The following XRCC2 variants were observed in gnomAD, a reference collection of about 807,000 sequenced individuals.
XRCC2 encodes X-ray repair cross complementing 2, also known as DNA repair protein XRCC2.
Under a neutral mutation model 27.3 loss-of-function variants are expected in XRCC2, and 24 were observed. That is an observed-to-expected ratio of 0.88 (90% CI 0.64 to 1.24). The LOEUF (loss-of-function observed/expected upper bound fraction) is 1.24. Ranked by LOEUF, XRCC2 falls within the 50% of genes most tolerant of loss-of-function variation. XRCC2 has a pLI of 0.00. For missense variants in XRCC2, 321 were observed against 325.8 expected (o/e 0.99, Z 0.11); for synonymous variants, 106 against 115.4 (o/e 0.92, Z 0.52).
At chr7:152,663,015 G>C (rs2098033981) in intron 1 of XRCC2, among the ~76,000 whole-genome samples, 1 of 152,124 alleles carries the variant, frequency 6.6e-6, no homozygotes, top group South Asian at 2.1e-4. Flanking sequence ...TGACTACAAA[G>C]ATGAAGATGA....
At chr7:152,663,842 GCC>G (rs34500760) in intron 1 of XRCC2, 2,162 of 146,040 alleles carry the variant, frequency 0.015, 47 homozygotes, top group African/African-American at 0.051. Context: ...CTGTCCCCCT[GCC>G]CCCCCCCCCC....
At chr7:152,664,860 G>T (rs139487499) in intron 1 of XRCC2, among the ~76,000 whole-genome samples, 84 of 152,156 alleles carry the variant, frequency 5.5e-4, no homozygotes, top group African/African-American at 2.0e-3. Context: ...TTGGGCTTAC[G>T]GGCAACAACT....
chr7:152,674,458 A>G (rs1383295485), intron 1 of XRCC2, among the ~76,000 whole-genome samples: 1 of 151,742 alleles, frequency 6.6e-6, no homozygotes, highest in Non-Finnish European at 1.5e-5. Flanking sequence ...CTAAAAATAC[A>G]AAAGTTAGCT....
chr7:152,663,404 T>C (rs541715646), intron 1 of XRCC2, among the ~76,000 whole-genome samples: 1 of 138,578 alleles, frequency 7.2e-6, no homozygotes, highest in Non-Finnish European at 1.6e-5. Context: ...GACCCTTGAG[T>C]ACACTTTAAA....
intron 2 of XRCC2, among the ~76,000 whole-genome samples, chr7:152,652,397 C>T (rs1323404282): frequency 2.6e-5 from 4 of 152,034 alleles, no homozygotes; most frequent in East Asian, 1.9e-4. Flanking sequence ...CATGCAGAAG[C>T]GCAGACGGGG....
intron 2 of XRCC2, among the ~76,000 whole-genome samples, chr7:152,655,510 A>G (rs1457211787): frequency 2.0e-5 from 3 of 151,956 alleles, no homozygotes; most frequent in African/African-American, 7.3e-5. Context: ...GGAGTTCAAG[A>G]CCATCCTGGG....
At position 152,645,529 on chromosome 7, in the gene XRCC2, CCATA is replaced by C. The variant is rs1403604430; in HGVS notation, c.*3109_*3112del. 14 of 152,134 alleles carry C rather than the reference CCATA, an allele frequency of 9.2e-5. No individual in the cohort carries two copies. The highest frequency in any genetic ancestry group is 1.9e-4 in the Non-Finnish European group (13 of 68,018). The allele number at this position is 152,134 out of a possible 1,614,324, so 9.4% of individuals were successfully genotyped here. ...TCTGCTTATAGATGATATTGGATTT[CCATA>C]CATACAATCATCTAACCTTTAAAGA... On this transcript the variant is annotated 3_prime_UTR_variant, in exon 3 of 3. Transcript: ENST00000359321.
At chr7:152,661,016 T>G (rs2098032877) in intron 1 of XRCC2, among the ~76,000 whole-genome samples, 1 of 151,992 alleles carries the variant, frequency 6.6e-6, no homozygotes, top group South Asian at 2.1e-4. Context: ...AATACAAAAA[T>G]TATCTGGGCA....
chr7:152,657,788 C>T (rs995022136), intron 2 of XRCC2, among the ~76,000 whole-genome samples: 3 of 151,910 alleles, frequency 2.0e-5, no homozygotes, highest in Non-Finnish European at 4.4e-5. Context: ...CCAGGGCAAT[C>T]ACTAGAAAAA....
chr7:152,653,723 A>G (rs2098029497), intron 2 of XRCC2, among the ~76,000 whole-genome samples: 1 of 152,138 alleles, frequency 6.6e-6, no homozygotes, highest in Non-Finnish European at 1.5e-5. Context: ...CAGCCTCCCA[A>G]AGTGCTAGAC....
At chr7:152,669,351 A>G (rs1213962031) in intron 1 of XRCC2, among the ~76,000 whole-genome samples, 1 of 152,236 alleles carries the variant, frequency 6.6e-6, no homozygotes, top group Non-Finnish European at 1.5e-5. Context: ...CTTCAGCAGC[A>G]GCAGCATTGC....
Position 152,660,715 on chromosome 7 carries a change from T to C in XRCC2, c.107A>G (p.Asp36Gly). 1 of 1,613,232 alleles carries C rather than the reference T, an allele frequency of 6.2e-7. No individual in the cohort carries two copies. Among genetic ancestry groups the C allele is most frequent in the Non-Finnish European group, 8.5e-7 (1 of 1,179,774 alleles). The stretch of plus-strand genomic sequence containing the variant: ...GTATTTTTTACCATGCACAGGTGAA[T>C]CTTCATCAGCAAACAGATTTGGTTC... ...EIEPNLFADE[D>G]SPVHGDILEF... The change falls in exon 2 of 3, where the codon GAT becomes GGT. Residue 36 changes from aspartate to glycine, a missense_variant. Physicochemically the swap from Asp to Gly is moderately conservative, Grantham distance 94. Transcript: ENST00000359321.
intron 2 of XRCC2, 88 bp downstream of exon 2, chr7:152,660,611 TTG>T: frequency 9.4e-7 from 1 of 1,067,338 alleles, no homozygotes; most frequent in Middle Eastern, 3.1e-4. Flanking sequence ...GTATAAACTC[TTG>T]TGAGGAGTAT....
intron 1 of XRCC2, among the ~76,000 whole-genome samples, chr7:152,667,888 C>T (rs1435590215): frequency 2.6e-5 from 4 of 151,944 alleles, no homozygotes; most frequent in South Asian, 4.2e-4. Flanking sequence ...ATTAGCTAGG[C>T]ATGGTGGTGG....
chr7:152,649,358 T>C lies in XRCC2; in HGVS notation c.127A>G (p.Ile43Val). ...CCTTCTGGGCCATGAAATTCAAGAA[T>C]ATCACCTGTGTAAAATTTAAAAATC... is the stretch of plus-strand genomic sequence containing the variant. The part of the protein sequence containing the change: ...ADEDSPVHGD[I>V]LEFHGPEGTG... The change falls in exon 3 of 3, where the codon ATT becomes GTT. Residue 43 changes from isoleucine (I) to valine (V), a missense_variant. By Grantham distance (29) the Ile-to-Val change is conservative (BLOSUM62 3). Coordinates refer to ENST00000359321, the MANE Select transcript of XRCC2 (RefSeq NM_005431.2). The C allele has an allele frequency of 7.6e-6, 12 of 1,572,180 alleles. No individual in the cohort carries two copies. Among genetic ancestry groups the C allele is most frequent in the Non-Finnish European group, 9.5e-6 (11 of 1,161,088 alleles).
At chr7:152,649,919 A>C (rs2098027799) in intron 2 of XRCC2, among the ~76,000 whole-genome samples, 1 of 152,158 alleles carries the variant, frequency 6.6e-6, no homozygotes, top group Admixed American at 6.5e-5. Context: ...TGGAGCAGCC[A>C]TCTGGAAGCA....
intron 1 of XRCC2, 71 bp from the exon 2 acceptor site, chr7:152,660,853 A>G: frequency 7.6e-7 from 1 of 1,321,574 alleles, no homozygotes. Flanking sequence ...TATTTATACC[A>G]TTTTCCGAAA....
At chr7:152,658,967 A>G (rs186564285) in intron 2 of XRCC2, among the ~76,000 whole-genome samples, 10 of 152,322 alleles carry the variant, frequency 6.6e-5, no homozygotes, top group East Asian at 1.9e-4. Context: ...CCTACTTTCA[A>G]TTCTTTTGGA....
chr7:152,663,340 T>C (rs1283847383), intron 1 of XRCC2, among the ~76,000 whole-genome samples: 1 of 59,190 alleles, frequency 1.7e-5, no homozygotes, highest in Non-Finnish European at 3.6e-5. Context: ...AAGAATGTCT[T>C]TGAAGTAAAA....
Sources: allele counts gnomAD v4.1 joint callset (sites outside exome capture counted in the v4.1 genomes callset), GRCh38; gene constraint gnomAD v4.1.1; transcripts MANE v1.5; gene names NCBI Gene and HGNC (gene_info 2026-07-23, HGNC 2026-07-21).